Variants in NBAS observed in about 807,000 individuals in gnomAD.
NBAS encodes the protein NAG/BC035112 fusion.
Under a neutral mutation model 302.5 loss-of-function variants are expected in NBAS, and 219 were observed. The observed-to-expected ratio is 0.72, with a 90% CI of 0.65 to 0.81. The LOEUF (loss-of-function observed/expected upper bound fraction) is 0.81, where lower values mean the gene tolerates loss of function less well. Ranked by LOEUF, NBAS falls within the 30% of genes least tolerant of loss-of-function variation. The probability of loss-of-function intolerance (pLI) is 0.00; values close to 1 mark genes in which losing one functional copy is unlikely to be tolerated. For synonymous variants in NBAS, 1,118 were observed against 1,021.6 expected (o/e 1.09, Z -1.80); for missense variants, 2,932 against 2,841.6 (o/e 1.03, Z -0.72).
intron 48 of NBAS, among the ~76,000 whole-genome samples, chr2:15,204,079 T>A (rs978419631): frequency 1.2e-4 from 18 of 151,930 alleles, no homozygotes; most frequent in African/African-American, 4.4e-4. Flanking sequence ...CTGAGCAACA[T>A]AGTGAGACCC....
chr2:14,802,971 A>G, the NBAS span, among the ~76,000 whole-genome samples: 1 of 150,218 alleles, frequency 6.7e-6, no homozygotes, highest in African/African-American at 2.5e-5. Context: ...GCGCACCAGC[A>G]TGGCACATGT....
At chr2:14,916,860 C>T in the NBAS span, among the ~76,000 whole-genome samples, 1 of 152,202 alleles carries the variant, frequency 6.6e-6, no homozygotes, top group Admixed American at 6.5e-5. Flanking sequence ...AATGTTTGTT[C>T]TGTTCCCAGG....
intron 6 of NBAS, among the ~76,000 whole-genome samples, chr2:15,542,621 CAATAAAAA>C (rs1301814360): frequency 6.9e-6 from 1 of 144,976 alleles, no homozygotes; most frequent in Non-Finnish European, 1.5e-5. Context: ...CAAGAATGAT[CAATAAAAA>C]AATAAATAAA....
chr2:15,398,109 T>TGTGTGTGTG (rs1675959424), intron 26 of NBAS, among the ~76,000 whole-genome samples: 1 of 145,470 alleles, frequency 6.9e-6, no homozygotes, highest in African/African-American at 2.6e-5. Context: ...GTGTGTGTGT[T>TGTGTGTGTG]TGTGTATGTT....
intron 44 of NBAS, among the ~76,000 whole-genome samples, chr2:15,273,496 T>C (rs1669424708): frequency 6.6e-6 from 1 of 152,194 alleles, no homozygotes; most frequent in Non-Finnish European, 1.5e-5. Context: ...GTTCAATGGT[T>C]AAGAGAAAAG....
At chr2:14,834,384 C>T in the NBAS span, among the ~76,000 whole-genome samples, 1 of 152,116 alleles carries the variant, frequency 6.6e-6, no homozygotes, top group African/African-American at 2.4e-5. Context: ...ATTTTGAGTG[C>T]TCTCTCAGCT....
At chr2:15,317,944 T>C (rs1193116762) in intron 38 of NBAS, among the ~76,000 whole-genome samples, 2 of 152,012 alleles carry the variant, frequency 1.3e-5, no homozygotes, top group East Asian at 3.9e-4. Flanking sequence ...GACACATAAT[T>C]GTCAGATTCA....
rs201496298 is a variant in NBAS at position 15,392,206 on chromosome 2, CA to C, written c.3257+2020del. Among the ~76,000 whole-genome samples, 1,025 of 151,272 alleles carry C rather than the reference CA, an allele frequency of 6.8e-3. 12 individuals carry two copies. The highest frequency in any genetic ancestry group is 0.022 in the African/African-American group (924 of 41,310). On this transcript the variant is annotated intron_variant, in intron 28 of 51. Coordinates refer to ENST00000281513, the MANE Select transcript of NBAS (RefSeq NM_015909.4). The stretch of plus-strand genomic sequence containing the variant: ...ACTGCTTGCAAATAATAATACAATG[CA>C]AAGTGGGGTTTTTAACATACATAAA...
chr2:14,830,513 G>A, the NBAS span, among the ~76,000 whole-genome samples: 4 of 152,128 alleles, frequency 2.6e-5, no homozygotes, highest in African/African-American at 4.8e-5. Flanking sequence ...TGCACAAACC[G>A]AATAAATATC....
At chr2:15,544,573 T>C (rs1013258592) in intron 6 of NBAS, among the ~76,000 whole-genome samples, 5 of 152,088 alleles carry the variant, frequency 3.3e-5, no homozygotes, top group Non-Finnish European at 7.4e-5. Flanking sequence ...TCAAAAGCTA[T>C]CAAGGCACAT....
the NBAS span, among the ~76,000 whole-genome samples, chr2:15,006,900 G>A: frequency 2.6e-5 from 4 of 152,142 alleles, no homozygotes; most frequent in East Asian, 7.7e-4. Context: ...GAGGTTTGTG[G>A]TTATTGTTCT....
intron 6 of NBAS, among the ~76,000 whole-genome samples, chr2:15,547,965 A>G (rs1351023553): frequency 3.3e-5 from 5 of 152,236 alleles, no homozygotes; most frequent in Non-Finnish European, 7.3e-5. Context: ...TGCTCTATTC[A>G]TGCTATGTGT....
At position 15,379,800 on chromosome 2, in the gene NBAS, C is replaced by T. The variant is rs116210837; in HGVS notation, c.3392G>A (p.Arg1131His). 0.025 allele frequency: 40,454 copies of T among 1,613,724 alleles called. 654 individuals are homozygous for T. The highest frequency in any genetic ancestry group is 0.031 in the Middle Eastern group (189 of 6,062). ...IFTESLLCSS[R>H]LENIHLAGQM... ...TCCAGCCAGGTGGATGTTTTCAAGG[C>T]GACTAGAGCACAGAAGGCTTTCTGT... The change falls in exon 30 of 52, where the codon CGC (arginine) becomes CAC (histidine). Residue 1131 changes from arginine to histidine, a missense_variant. Coordinates refer to ENST00000281513, the MANE Select transcript of NBAS (RefSeq NM_015909.4).
chr2:14,797,320 C>T, the NBAS span, among the ~76,000 whole-genome samples: 1 of 152,156 alleles, frequency 6.6e-6, no homozygotes, highest in Non-Finnish European at 1.5e-5. Context: ...GATCTTGCGA[C>T]CTGCCGAATG....
intron 48 of NBAS, among the ~76,000 whole-genome samples, chr2:15,192,157 C>G (rs888546696): frequency 6.6e-6 from 1 of 152,086 alleles, no homozygotes; most frequent in Non-Finnish European, 1.5e-5. Flanking sequence ...TTACTTGTTG[C>G]CTTTCTTCTT....
At chr2:15,456,079 C>T (rs7568678) in intron 21 of NBAS, among the ~76,000 whole-genome samples, 91,979 of 151,934 alleles carry the variant, frequency 0.61, 28,826 homozygotes, top group Non-Finnish European at 0.68. Context: ...CAGTTACAAA[C>T]TCAGAACAGG....
intron 44 of NBAS, among the ~76,000 whole-genome samples, chr2:15,262,266 A>G (rs905588193): frequency 6.6e-6 from 1 of 152,250 alleles, no homozygotes; most frequent in Non-Finnish European, 1.5e-5. Context: ...TGAAACTAAC[A>G]TGACAGAAAG....
intron 23 of NBAS, among the ~76,000 whole-genome samples, chr2:15,423,518 T>A (rs960319533): frequency 6.6e-6 from 1 of 152,198 alleles, no homozygotes; most frequent in Non-Finnish European, 1.5e-5. Context: ...TGTCACTGAC[T>A]TGAAGCTCAA....
chr2:15,014,513 A>C, the NBAS span, among the ~76,000 whole-genome samples: 1 of 152,134 alleles, frequency 6.6e-6, no homozygotes, highest in African/African-American at 2.4e-5. Flanking sequence ...GAAATTCAAC[A>C]TGTTCCTGAC....
Sources: allele counts gnomAD v4.1 joint callset (sites outside exome capture counted in the v4.1 genomes callset), GRCh38; gene constraint gnomAD v4.1.1; transcripts MANE v1.5; gene names NCBI Gene and HGNC (gene_info 2026-07-23, HGNC 2026-07-21).